The following C8orf34 variants were observed in gnomAD, a reference collection of about 807,000 sequenced individuals.
C8orf34 encodes the protein chromosome 8 open reading frame 34.
In C8orf34, 65 loss-of-function variants were observed where a neutral mutation model predicts 68.3. The observed-to-expected ratio is 0.95, with a 90% CI of 0.78 to 1.17. The LOEUF is 1.17. Among genes scored for constraint, C8orf34 ranks in the 50% most tolerant of loss-of-function variants. The pLI, the probability that C8orf34 is intolerant of heterozygous loss-of-function variation, is 0.00. For missense variants in C8orf34, 664 were observed against 655.4 expected, an observed-to-expected ratio of 1.01 and a Z score of -0.14; for synonymous variants, 244 against 241.2, an observed-to-expected ratio of 1.01 and a Z score of -0.11.
At chr8:68,593,555 C>G (rs1303285337) in intron 7 of C8orf34, among the ~76,000 whole-genome samples, 3 of 151,734 alleles carry the variant, frequency 2.0e-5, no homozygotes, top group African/African-American at 7.3e-5. Flanking sequence ...AAAATTTTTT[C>G]TACTAATTTT....
At chr8:68,573,537 A>C (rs566923263) in intron 7 of C8orf34, among the ~76,000 whole-genome samples, 12 of 152,162 alleles carry the variant, frequency 7.9e-5, no homozygotes, top group Non-Finnish European at 1.2e-4. Flanking sequence ...TGTACTAATA[A>C]GATTTTGCGG....
intron 8 of C8orf34, among the ~76,000 whole-genome samples, chr8:68,660,646 A>G (rs1305550783): frequency 6.6e-6 from 1 of 152,066 alleles, no homozygotes; most frequent in African/African-American, 2.4e-5. Context: ...TGGATCCCTC[A>G]GATCTAATTT....
chr8:68,416,328 C>T (rs2129622820), intron 1 of C8orf34, among the ~76,000 whole-genome samples: 1 of 152,148 alleles, frequency 6.6e-6, no homozygotes, highest in South Asian at 2.1e-4. Context: ...CTATAATTTG[C>T]ATATTATTTT....
chr8:68,612,193 T>G (rs1818043178), intron 7 of C8orf34, among the ~76,000 whole-genome samples: 1 of 152,054 alleles, frequency 6.6e-6, no homozygotes, highest in Non-Finnish European at 1.5e-5. Context: ...CAAACTAATA[T>G]CACTAACATT....
intron 8 of C8orf34, among the ~76,000 whole-genome samples, chr8:68,656,055 A>G (rs1261546237): frequency 1.3e-5 from 2 of 152,212 alleles, no homozygotes; most frequent in East Asian, 3.9e-4. Context: ...AGACAGAACC[A>G]TGTTGAAGGT....
At chr8:68,608,081 T>G (rs1817908317) in intron 7 of C8orf34, among the ~76,000 whole-genome samples, 1 of 151,734 alleles carries the variant, frequency 6.6e-6, no homozygotes, top group African/African-American at 2.4e-5. Flanking sequence ...TTCAACAAGC[T>G]TTTACTGTGT....
chr8:68,674,774 T>C (rs1306766706), intron 8 of C8orf34, among the ~76,000 whole-genome samples: 1 of 152,118 alleles, frequency 6.6e-6, no homozygotes, highest in Admixed American at 6.5e-5. Context: ...AAGATATCAA[T>C]GTCCACGTAC....
rs769660504 is a variant in C8orf34, at chr8:68,439,677, G to A, written c.475+31G>A. On this transcript the variant is annotated intron_variant, in intron 2 of 13. Coordinates refer to ENST00000518698, the MANE Select transcript of C8orf34 (RefSeq NM_052958.4). ...TGAAGAATGTCTATGCAGTTAATTT[G>A]GGATTCATTTAATGTCAAAATTTCA... is the stretch of plus-strand genomic sequence containing the variant. The A allele has an allele frequency of 6.3e-6, 10 of 1,582,064 alleles. No individual in the cohort carries two copies. The East Asian group carries it at 1.8e-4, about 29-fold the overall frequency.
At chr8:68,775,693 C>T (rs758842835) in intron 10 of C8orf34, among the ~76,000 whole-genome samples, 16 of 152,104 alleles carry the variant, frequency 1.1e-4, no homozygotes, top group Non-Finnish European at 2.1e-4. Flanking sequence ...ATAGAATTTG[C>T]GACTTCTTTC....
At chr8:68,686,488 A>G (rs1820522940) in intron 8 of C8orf34, among the ~76,000 whole-genome samples, 1 of 152,142 alleles carries the variant, frequency 6.6e-6, no homozygotes, top group Non-Finnish European at 1.5e-5. Context: ...ATGAGAGTCA[A>G]TAAATGTGAC....
intron 7 of C8orf34, among the ~76,000 whole-genome samples, chr8:68,602,014 A>G (rs1349849187): frequency 6.6e-6 from 1 of 152,086 alleles, no homozygotes; most frequent in Non-Finnish European, 1.5e-5. Context: ...CCATCAGGTC[A>G]TCTCATTGCC....
chr8:68,602,605 C>T (rs1425751110), intron 7 of C8orf34, among the ~76,000 whole-genome samples: 2 of 152,078 alleles, frequency 1.3e-5, no homozygotes. Context: ...ATGGGAACTA[C>T]AATTCAAGAT....
chr8:68,635,104 C>T (rs1043915002), intron 7 of C8orf34, among the ~76,000 whole-genome samples: 5 of 152,148 alleles, frequency 3.3e-5, no homozygotes, highest in Non-Finnish European at 5.9e-5. Context: ...ATTAAATACA[C>T]TCAAATTTGC....
chr8:68,683,640 A>G (rs529087230), intron 8 of C8orf34, among the ~76,000 whole-genome samples: 93 of 152,276 alleles, frequency 6.1e-4, no homozygotes, highest in African/African-American at 2.1e-3. Context: ...TCAGAAAGAA[A>G]AAACGTATCT....
intron 12 of C8orf34, among the ~76,000 whole-genome samples, chr8:68,803,176 A>G (rs1329614583): frequency 1.3e-5 from 2 of 152,132 alleles, no homozygotes; most frequent in African/African-American, 2.4e-5. Context: ...ATTCCAATAC[A>G]TAACAGAAGA....
intron 7 of C8orf34, among the ~76,000 whole-genome samples, chr8:68,622,269 G>C (rs1374130955): frequency 6.6e-6 from 1 of 152,178 alleles, no homozygotes; most frequent in Non-Finnish European, 1.5e-5. Context: ...CAGAAGTGAA[G>C]TCCAATCAAC....
At chr8:68,669,024 C>T (rs1819928004) in intron 8 of C8orf34, among the ~76,000 whole-genome samples, 1 of 152,126 alleles carries the variant, frequency 6.6e-6, no homozygotes, top group Admixed American at 6.5e-5. Flanking sequence ...CCAAGTTCAC[C>T]AGGACTCCTG....
At chr8:68,736,539 A>G (rs938413465) in intron 10 of C8orf34, among the ~76,000 whole-genome samples, 1 of 152,084 alleles carries the variant, frequency 6.6e-6, no homozygotes, top group Non-Finnish European at 1.5e-5. Context: ...GAGTTCCATG[A>G]TGTAGATTCT....
intron 7 of C8orf34, among the ~76,000 whole-genome samples, chr8:68,557,403 A>T: frequency 6.6e-6 from 1 of 152,212 alleles, no homozygotes; most frequent in Non-Finnish European, 1.5e-5. Context: ...GTAGTTTTAA[A>T]ATAAACTCTT....
Sources: allele counts gnomAD v4.1 joint callset (sites outside exome capture counted in the v4.1 genomes callset), GRCh38; gene constraint gnomAD v4.1.1; transcripts MANE v1.5; gene names NCBI Gene and HGNC (gene_info 2026-07-23, HGNC 2026-07-21).